The following SYN3 variants were observed in gnomAD, a reference collection of about 807,000 sequenced individuals.
SYN3 encodes the protein synapsin-3.
SYN3 carries 35 observed loss-of-function variants against 65.8 expected under a neutral mutation model. The ratio of observed to expected loss-of-function variants is 0.53; its 90% CI spans 0.41 to 0.70. The LOEUF (loss-of-function observed/expected upper bound fraction) is 0.70, where lower values mean the gene tolerates loss of function less well. Ranked by LOEUF, SYN3 falls within the 30% of genes least tolerant of loss-of-function variation. The pLI is 0.00. For missense variants in SYN3, 680 were observed against 749.0 expected (o/e 0.91, Z 1.08); for synonymous variants, 270 against 292.9 (o/e 0.92, Z 0.80).
chr22:32,869,658 C>A (rs2048794845), intron 4 of SYN3, among the ~76,000 whole-genome samples: 1 of 149,530 alleles, frequency 6.7e-6, no homozygotes, highest in Admixed American at 6.7e-5. Flanking sequence ...GGCTCTTGTT[C>A]CTGCAGATCT....
chr22:32,944,720 A>T (rs1227634815), intron 3 of SYN3, among the ~76,000 whole-genome samples: 1 of 152,192 alleles, frequency 6.6e-6, no homozygotes. Flanking sequence ...AAAGAAATAA[A>T]GGGCATTCAA....
intron 6 of SYN3, among the ~76,000 whole-genome samples, chr22:32,611,248 T>A (rs1430659958): frequency 6.6e-6 from 1 of 151,060 alleles, no homozygotes; most frequent in Non-Finnish European, 1.5e-5. Context: ...CTTTGGCCAT[T>A]TGAGAGCAGA....
chr22:32,538,150 C>T lies in SYN3; in HGVS notation c.918-40G>A. 6.3e-6 allele frequency: 10 copies of T among 1,578,968 alleles called. No homozygotes were observed. The East Asian group carries it at 1.8e-4, about 28-fold the overall frequency. On this transcript the variant is annotated intron_variant, in intron 8 of 13. Transcript: ENST00000358763. Reference sequence around the variant, plus strand: ...ACAACACATTGAGGGAATTAGGGACCCTCGTCACTGATCTGCTTTCCTTCT... The same window carrying T: ...ACAACACATTGAGGGAATTAGGGACTCTCGTCACTGATCTGCTTTCCTTCT...
intron 7 of SYN3, among the ~76,000 whole-genome samples, chr22:32,569,429 A>ATCTATCTG (rs2058720862): frequency 6.6e-6 from 1 of 150,924 alleles, no homozygotes; most frequent in South Asian, 2.1e-4. Flanking sequence ...CTATCTATCT[A>ATCTATCTG]TCTATCTATC....
intron 6 of SYN3, among the ~76,000 whole-genome samples, chr22:32,608,972 A>T (rs922262348): frequency 1.3e-5 from 2 of 151,860 alleles, no homozygotes; most frequent in African/African-American, 4.8e-5. Context: ...TCTTTTTTTT[A>T]AAGTTTTCCT....
chr22:32,970,510 C>G (rs1193933213), intron 3 of SYN3, among the ~76,000 whole-genome samples: 2 of 149,076 alleles, frequency 1.3e-5, no homozygotes, highest in East Asian at 3.9e-4. Context: ...TATCACGCCA[C>G]TGCACTCCAG....
intron 4 of SYN3, among the ~76,000 whole-genome samples, chr22:32,878,283 T>C (rs1389462380): frequency 2.6e-5 from 4 of 152,196 alleles, no homozygotes; most frequent in Admixed American, 1.3e-4. Flanking sequence ...CCTGAAGTCA[T>C]GTGCAGTTCT....
At chr22:32,946,208 C>CTA (rs2051104413) in intron 3 of SYN3, among the ~76,000 whole-genome samples, 1 of 151,990 alleles carries the variant, frequency 6.6e-6, no homozygotes, top group African/African-American at 2.4e-5. Flanking sequence ...ACCCAAAGGA[C>CTA]TATAAATCAT....
chr22:32,943,590 C>T (rs995906853), intron 3 of SYN3, among the ~76,000 whole-genome samples: 2 of 152,170 alleles, frequency 1.3e-5, no homozygotes, highest in South Asian at 2.1e-4. Flanking sequence ...CAAATTCACA[C>T]ATAACAATAT....
At chr22:32,866,352 C>T (rs1171022553) in intron 5 of SYN3, among the ~76,000 whole-genome samples, 6 of 152,178 alleles carry the variant, frequency 3.9e-5, no homozygotes, top group Admixed American at 2.0e-4. Flanking sequence ...AGGGAGTCAA[C>T]TTCGAGGGTT....
At chr22:32,640,490 A>G (rs2059880205) in intron 6 of SYN3, among the ~76,000 whole-genome samples, 1 of 152,218 alleles carries the variant, frequency 6.6e-6, no homozygotes, top group Admixed American at 6.5e-5. Flanking sequence ...GGTTCCACTA[A>G]GAAGCTGCAG....
chr22:32,564,877 G>A (rs1249709464), intron 7 of SYN3, among the ~76,000 whole-genome samples: 1 of 142,650 alleles, frequency 7.0e-6, no homozygotes, highest in Non-Finnish European at 1.5e-5. Flanking sequence ...CCCTAACAGC[G>A]CTCCCGGACT....
intron 3 of SYN3, among the ~76,000 whole-genome samples, chr22:32,937,546 C>G (rs185538881): frequency 1.3e-5 from 2 of 152,176 alleles, no homozygotes; most frequent in African/African-American, 4.8e-5. Flanking sequence ...GGCAGAGAAG[C>G]AGGAGAGAGA....
chr22:32,775,534 A>G (rs1045580111), intron 6 of SYN3, among the ~76,000 whole-genome samples: 4 of 152,252 alleles, frequency 2.6e-5, no homozygotes, highest in East Asian at 3.9e-4. Context: ...TAGAGGACAC[A>G]TGTATCCTTA....
chr22:32,675,873 C>A (rs2060433304), intron 6 of SYN3, among the ~76,000 whole-genome samples: 2 of 152,260 alleles, frequency 1.3e-5, no homozygotes, highest in South Asian at 4.1e-4. Flanking sequence ...CCCTAGGAGC[C>A]CCATGATGGC....
chr22:32,705,906 T>G (rs188770966), intron 6 of SYN3, among the ~76,000 whole-genome samples: 37 of 152,322 alleles, frequency 2.4e-4, no homozygotes, highest in African/African-American at 8.7e-4. Context: ...CATTGATTTG[T>G]TTTCTATGCT....
At chr22:32,568,012 C>A (rs9609598) in intron 7 of SYN3, among the ~76,000 whole-genome samples, 5 of 152,170 alleles carry the variant, frequency 3.3e-5, no homozygotes, top group Non-Finnish European at 7.3e-5. Flanking sequence ...AGGGACCGGA[C>A]GGTCACAGCT....
chr22:32,654,609 T>C (rs2146967633), intron 6 of SYN3, among the ~76,000 whole-genome samples: 1 of 152,302 alleles, frequency 6.6e-6, no homozygotes, highest in East Asian at 1.9e-4. Context: ...ATCTCATTCA[T>C]GTCCATATCC....
chr22:32,771,737 A>G (rs1219312284), intron 6 of SYN3, among the ~76,000 whole-genome samples: 1 of 152,202 alleles, frequency 6.6e-6, no homozygotes, highest in Non-Finnish European at 1.5e-5. Flanking sequence ...GGACTATATT[A>G]AACAATGCAC....
Sources: allele counts gnomAD v4.1 joint callset (sites outside exome capture counted in the v4.1 genomes callset), GRCh38; gene constraint gnomAD v4.1.1; transcripts MANE v1.5; gene names NCBI Gene and HGNC (gene_info 2026-07-23, HGNC 2026-07-21).